ADGRB3: variants seen among roughly 807,000 people sequenced by gnomAD.
ADGRB3 encodes the protein adhesion G protein-coupled receptor B3, also known as brain-specific angiogenesis inhibitor 3.
ADGRB3 carries 37 observed loss-of-function variants against 193.4 expected under a neutral mutation model. That is an observed-to-expected ratio of 0.19 (90% CI 0.15 to 0.25). ADGRB3 has a LOEUF of 0.25. Ranked by LOEUF, ADGRB3 falls within the 10% of genes least tolerant of loss-of-function variation. The pLI, the probability that ADGRB3 is intolerant of heterozygous loss-of-function variation, is 1.00. For missense variants in ADGRB3, 1,637 were observed against 1,852.9 expected, an observed-to-expected ratio of 0.88 and a Z score of 2.14; for synonymous variants, 690 against 644.2, an observed-to-expected ratio of 1.07 and a Z score of -1.08.
chr6:69,053,331 TG>T (rs1232336598), intron 15 of ADGRB3, among the ~76,000 whole-genome samples: 1 of 152,236 alleles, frequency 6.6e-6, no homozygotes, highest in Non-Finnish European at 1.5e-5. Flanking sequence ...ATTAGGTAAC[TG>T]AGTTATAATA....
chr6:69,349,970 T>G (rs1302716906), intron 26 of ADGRB3, among the ~76,000 whole-genome samples: 2 of 152,170 alleles, frequency 1.3e-5, no homozygotes, highest in African/African-American at 4.8e-5. Context: ...TCTCTAACTC[T>G]GGCACCAGCT....
intron 17 of ADGRB3, among the ~76,000 whole-genome samples, chr6:69,199,677 G>T (rs2150357440): frequency 6.6e-6 from 1 of 152,182 alleles, no homozygotes; most frequent in East Asian, 1.9e-4. Context: ...AGCCATAAAT[G>T]TATCCCAAAA....
At chr6:69,117,469 G>A (rs1458867164) in intron 17 of ADGRB3, among the ~76,000 whole-genome samples, 1 of 152,022 alleles carries the variant, frequency 6.6e-6, no homozygotes, top group Admixed American at 6.6e-5. Flanking sequence ...TAAGCAGAAG[G>A]AACAGAAAAA....
At chr6:68,960,855 A>C (rs1270313694) in intron 8 of ADGRB3, among the ~76,000 whole-genome samples, 1 of 152,086 alleles carries the variant, frequency 6.6e-6, no homozygotes, top group Non-Finnish European at 1.5e-5. Flanking sequence ...CATTTTTATG[A>C]AGGTCTCAGG....
intron 26 of ADGRB3, among the ~76,000 whole-genome samples, chr6:69,349,784 A>G (rs551642643): frequency 5.1e-4 from 77 of 152,334 alleles, no homozygotes; most frequent in Non-Finnish European, 9.3e-4. Flanking sequence ...ATCCTCTTGA[A>G]TAGGAAATCA....
At chr6:69,240,716 C>G (rs75485288) in intron 20 of ADGRB3, among the ~76,000 whole-genome samples, 4,054 of 151,888 alleles carry the variant, frequency 0.027, 180 homozygotes, top group African/African-American at 0.093. Context: ...GAGATGGGAC[C>G]GTAAACCTTA....
At chr6:68,790,723 G>A (rs941791263) in intron 3 of ADGRB3, among the ~76,000 whole-genome samples, 1 of 152,140 alleles carries the variant, frequency 6.6e-6, no homozygotes, top group Admixed American at 6.5e-5. Context: ...CTGCAGCTGA[G>A]GATCCTGTCT....
intron 3 of ADGRB3, among the ~76,000 whole-genome samples, chr6:68,857,315 GA>G (rs1415146103): frequency 6.6e-6 from 1 of 152,200 alleles, no homozygotes; most frequent in African/African-American, 2.4e-5. Context: ...TTGTGCACCT[GA>G]AAAAGCTGCA....
chr6:68,855,817 G>A (rs543706134), intron 3 of ADGRB3, among the ~76,000 whole-genome samples: 29 of 152,148 alleles, frequency 1.9e-4, no homozygotes, highest in African/African-American at 5.5e-4. Context: ...CCAGGAGTTC[G>A]AGGTCAGCCT....
chr6:69,332,443 G>C, intron 23 of ADGRB3: 2 of 985,408 alleles, frequency 2.0e-6, no homozygotes, highest in Non-Finnish European at 2.4e-6. Context: ...TAACCACACA[G>C]CATGAGGAAT....
intron 15 of ADGRB3, among the ~76,000 whole-genome samples, chr6:69,061,734 G>A (rs1320074180): frequency 4.3e-5 from 2 of 45,980 alleles, no homozygotes; most frequent in Non-Finnish European, 6.5e-5. Context: ...AAACAAAATA[G>A]ATGAATCTCA....
At chr6:69,244,605 C>T (rs1234944803) in intron 20 of ADGRB3, among the ~76,000 whole-genome samples, 1 of 152,022 alleles carries the variant, frequency 6.6e-6, no homozygotes, top group African/African-American at 2.4e-5. Context: ...GCAGACTGCC[C>T]CCTGCCCCAG....
chr6:69,129,533 AAG>A (rs1337491927), intron 17 of ADGRB3, among the ~76,000 whole-genome samples: 1 of 152,196 alleles, frequency 6.6e-6, no homozygotes, highest in African/African-American at 2.4e-5. Flanking sequence ...GAAAAGTCAT[AAG>A]AAAACATTGA....
intron 20 of ADGRB3, among the ~76,000 whole-genome samples, chr6:69,251,459 T>C (rs947992855): frequency 6.6e-6 from 1 of 152,172 alleles, no homozygotes; most frequent in Admixed American, 6.5e-5. Flanking sequence ...TTGCACTGTA[T>C]AACCAGTGCT....
intron 3 of ADGRB3, among the ~76,000 whole-genome samples, chr6:68,646,575 A>C (rs1002802471): frequency 6.6e-6 from 1 of 151,788 alleles, no homozygotes; most frequent in African/African-American, 2.4e-5. Flanking sequence ...CTGAATTTTC[A>C]TACTACTTCA....
intron 13 of ADGRB3, among the ~76,000 whole-genome samples, chr6:69,025,680 GA>G (rs918620933): frequency 6.6e-6 from 1 of 151,196 alleles, no homozygotes; most frequent in African/African-American, 2.4e-5. Flanking sequence ...TGTAGGTCAG[GA>G]AAAAAAATAC....
intron 3 of ADGRB3, among the ~76,000 whole-genome samples, chr6:68,804,857 C>A (rs1318022993): frequency 6.6e-6 from 1 of 151,850 alleles, no homozygotes; most frequent in African/African-American, 2.4e-5. Flanking sequence ...GTTAGAGCTC[C>A]ATTTTTTCAT....
intron 13 of ADGRB3, among the ~76,000 whole-genome samples, chr6:69,021,518 C>T (rs950490393): frequency 6.6e-6 from 1 of 151,838 alleles, no homozygotes; most frequent in Non-Finnish European, 1.5e-5. Context: ...ATTAGAGGCA[C>T]ATGTATAGCA....
At chr6:69,144,808 G>A (rs1389351874) in intron 17 of ADGRB3, among the ~76,000 whole-genome samples, 1 of 152,064 alleles carries the variant, frequency 6.6e-6, no homozygotes, top group Non-Finnish European at 1.5e-5. Flanking sequence ...AATTCAATTT[G>A]CTAGTATTTT....
Sources: gnomAD v4.1 joint callset for allele counts (sites outside exome capture counted in the v4.1 genomes callset) on GRCh38, gnomAD v4.1.1 for gene constraint, MANE v1.5 for transcripts, NCBI Gene and HGNC (gene_info 2026-07-23, HGNC 2026-07-21) for gene names.